Variants in ST6GALNAC3 observed in about 807,000 individuals in gnomAD.
ST6GALNAC3 encodes alpha-N-acetylgalactosaminide alpha-2,6-sialyltransferase 3.
In ST6GALNAC3, 25 loss-of-function variants were observed where a neutral mutation model predicts 32.7. The ratio of observed to expected loss-of-function variants is 0.76; its 90% CI spans 0.56 to 1.07. The LOEUF (loss-of-function observed/expected upper bound fraction) is 1.07, where lower values mean the gene tolerates loss of function less well. ST6GALNAC3 is among the 50% of genes least tolerant of loss of function. The pLI, the probability that ST6GALNAC3 is intolerant of heterozygous loss-of-function variation, is 0.00. For synonymous variants in ST6GALNAC3, 129 were observed against 133.1 expected (o/e 0.97, Z 0.21); for missense variants, 355 against 382.4 (o/e 0.93, Z 0.60).
intron 3 of ST6GALNAC3, among the ~76,000 whole-genome samples, chr1:76,560,362 C>T (rs1665175592): frequency 6.6e-6 from 1 of 151,982 alleles, no homozygotes; most frequent in Non-Finnish European, 1.5e-5. Context: ...AAGCTCTGCA[C>T]AGCAAAAGAA....
At chr1:76,356,304 T>C (rs993077035) in intron 2 of ST6GALNAC3, among the ~76,000 whole-genome samples, 4 of 152,168 alleles carry the variant, frequency 2.6e-5, no homozygotes, top group Admixed American at 6.6e-5. Flanking sequence ...GCAATTCATT[T>C]TGAATGCTTT....
intron 1 of ST6GALNAC3, among the ~76,000 whole-genome samples, chr1:76,141,602 C>T (rs1455456906): frequency 2.0e-5 from 3 of 151,720 alleles, no homozygotes; most frequent in Non-Finnish European, 4.4e-5. Flanking sequence ...TTACTTATAG[C>T]AAAAAAAGCA....
intron 3 of ST6GALNAC3, among the ~76,000 whole-genome samples, chr1:76,573,758 GT>G (rs934544470): frequency 2.0e-4 from 31 of 151,954 alleles, no homozygotes; most frequent in African/African-American, 6.8e-4. Context: ...ACATTTGTGA[GT>G]TTTTTATGCA....
chr1:76,494,479 A>G (rs1337998026), intron 3 of ST6GALNAC3, among the ~76,000 whole-genome samples: 1 of 139,066 alleles, frequency 7.2e-6, no homozygotes, highest in African/African-American at 2.6e-5. Flanking sequence ...ACACACACAC[A>G]CACACACTTT....
chr1:76,305,432 AAGGT>A lies in ST6GALNAC3; in HGVS notation c.19-8372_19-8369del, dbSNP rs1430722090. 1.7e-4 allele frequency among the ~76,000 whole-genome samples: 26 copies of A among 152,180 alleles called. No homozygotes were observed. The East Asian group carries it at 4.5e-3, about 26-fold the overall frequency. On this transcript the variant is annotated intron_variant, in intron 1 of 4. Coordinates refer to ENST00000328299, the MANE Select transcript of ST6GALNAC3 (RefSeq NM_152996.4). ...GAGGCAAGAGGAGATGTGATTATGG[AAGGT>A]CTTGTATATCATACCAAGGGTCTGC...
intron 1 of ST6GALNAC3, among the ~76,000 whole-genome samples, chr1:76,236,232 G>A (rs1232027264): frequency 1.3e-5 from 2 of 152,010 alleles, no homozygotes; most frequent in Admixed American, 1.3e-4. Flanking sequence ...ACAAGCCTGA[G>A]CTACCGCACC....
intron 3 of ST6GALNAC3, among the ~76,000 whole-genome samples, chr1:76,568,026 A>T (rs573772711): frequency 7.9e-5 from 12 of 152,366 alleles, no homozygotes; most frequent in African/African-American, 2.4e-4. Flanking sequence ...AAAATTAAAG[A>T]AAAGAAGAAA....
intron 3 of ST6GALNAC3, among the ~76,000 whole-genome samples, chr1:76,492,839 A>T (rs1264326856): frequency 6.6e-6 from 1 of 152,162 alleles, no homozygotes; most frequent in South Asian, 2.1e-4. Flanking sequence ...GCAGGGTACT[A>T]CTGGTAATGA....
rs1430219608 is a variant in ST6GALNAC3 at position 76,633,560 on chromosome 1, A to T, written c.*4754A>T. On this transcript the variant is annotated 3_prime_UTR_variant, in exon 5 of 5. Coordinates refer to ENST00000328299, the MANE Select transcript of ST6GALNAC3 (RefSeq NM_152996.4). ...TACACCAAGAGCTGCTGAGTGTTGGAGGTTGCCTGGTGAAACTGGCAGGCC... is the reference window on the plus strand; with the variant it reads ...TACACCAAGAGCTGCTGAGTGTTGGTGGTTGCCTGGTGAAACTGGCAGGCC... 1 of 152,154 alleles carries T rather than the reference A, an allele frequency of 6.6e-6. No homozygotes were observed. The highest frequency in any genetic ancestry group is 1.5e-5 in the Non-Finnish European group (1 of 68,028). The allele number at this position is 152,154 out of a possible 1,614,324, so 9.4% of individuals were successfully genotyped here.
rs143352888 is a variant in ST6GALNAC3, at chr1:76,142,722, G to A, written c.18+67838G>A. 4.0e-4 allele frequency: 140 copies of A among 348,614 alleles called. No individual in the cohort carries two copies. In the East Asian group the frequency reaches 0.011, roughly 28 times the overall value. The allele number at this position is 348,614 out of a possible 1,614,324, so 21.6% of individuals were successfully genotyped here. Reference sequence around the variant, plus strand: ...TAAAGACATTGAAGAATCCTGTTTGGACCTTTTTAGCAGTGAGGAGCGTCC... The same window carrying A: ...TAAAGACATTGAAGAATCCTGTTTGAACCTTTTTAGCAGTGAGGAGCGTCC... On this transcript the variant is annotated intron_variant, in intron 1 of 4. Coordinates refer to ENST00000328299, the MANE Select transcript of ST6GALNAC3 (RefSeq NM_152996.4).
intron 3 of ST6GALNAC3, among the ~76,000 whole-genome samples, chr1:76,499,119 A>G (rs532194822): frequency 1.3e-4 from 20 of 152,336 alleles, no homozygotes; most frequent in African/African-American, 3.4e-4. Flanking sequence ...GTCAATGACC[A>G]TGAAAAGATG....
chr1:76,110,778 C>T (rs975989892), intron 1 of ST6GALNAC3, among the ~76,000 whole-genome samples: 4 of 152,224 alleles, frequency 2.6e-5, no homozygotes, highest in African/African-American at 7.2e-5. Flanking sequence ...AGCACTGATA[C>T]CAGGGTTTCC....
intron 1 of ST6GALNAC3, among the ~76,000 whole-genome samples, chr1:76,295,459 T>G (rs551219901): frequency 5.3e-4 from 80 of 152,064 alleles, no homozygotes; most frequent in Admixed American, 1.4e-3. Flanking sequence ...AGTTGCAAAT[T>G]GTTTCCCTAG....
chr1:76,384,039 A>C (rs1206166164), intron 2 of ST6GALNAC3, among the ~76,000 whole-genome samples: 1 of 152,196 alleles, frequency 6.6e-6, no homozygotes, highest in African/African-American at 2.4e-5. Context: ...TGTTAGATTT[A>C]AATTCAAATA....
intron 2 of ST6GALNAC3, among the ~76,000 whole-genome samples, chr1:76,320,696 A>T (rs1235947932): frequency 1.3e-5 from 2 of 152,176 alleles, no homozygotes; most frequent in East Asian, 3.8e-4. Context: ...TGTGAGTGGG[A>T]TTATGGAAAG....
In ST6GALNAC3 at chr1:76,074,782, T is replaced by C; in HGVS notation, c.-85T>C. On this transcript the variant is annotated 5_prime_UTR_variant, in exon 1 of 5. Coordinates refer to ENST00000328299, the MANE Select transcript of ST6GALNAC3 (RefSeq NM_152996.4). ...AATGTGGGCTGGAGAGGTCCTGCCG[T>C]GGTACCAGCCTCCAGCCTGCCCCCA... The C allele has an allele frequency of 2.0e-6, 3 of 1,470,414 alleles. 1 individual carries two copies. In the South Asian group the frequency reaches 3.6e-5, roughly 18 times the overall value. 91.1% of individuals were successfully genotyped at this position (1,470,414 alleles called of 1,614,324 possible).
At chr1:76,228,966 C>T (rs1204467706) in intron 1 of ST6GALNAC3, among the ~76,000 whole-genome samples, 1 of 152,098 alleles carries the variant, frequency 6.6e-6, no homozygotes, top group African/African-American at 2.4e-5. Flanking sequence ...GAGAAGGAGC[C>T]ACCCACAGAC....
chr1:76,478,957 G>T (rs939016062), intron 3 of ST6GALNAC3, among the ~76,000 whole-genome samples: 1 of 151,640 alleles, frequency 6.6e-6, no homozygotes, highest in Admixed American at 6.6e-5. Flanking sequence ...TAGAGACGGG[G>T]TTTCACTGTG....
At chr1:76,109,231 A>T (rs1647755386) in intron 1 of ST6GALNAC3, among the ~76,000 whole-genome samples, 3 of 152,176 alleles carry the variant, frequency 2.0e-5, no homozygotes, top group Admixed American at 6.5e-5. Context: ...AAGAGTAGAT[A>T]AAATTTTTTG....
Sources: allele counts gnomAD v4.1 joint callset (sites outside exome capture counted in the v4.1 genomes callset), GRCh38; gene constraint gnomAD v4.1.1; transcripts MANE v1.5; gene names NCBI Gene and HGNC (gene_info 2026-07-23, HGNC 2026-07-21).